TCF12: variants seen among roughly 807,000 people sequenced by gnomAD.
TCF12 encodes transcription factor 12, also known as DNA-binding protein HTF4.
Under a neutral mutation model 86.0 loss-of-function variants are expected in TCF12, and 45 were observed. The observed-to-expected ratio is 0.52, with a 90% CI of 0.41 to 0.67. TCF12 has a LOEUF of 0.67. Ranked by LOEUF, TCF12 falls within the 30% of genes least tolerant of loss-of-function variation. The pLI is 0.00. For synonymous variants in TCF12, 330 were observed against 299.6 expected (o/e 1.10, Z -1.05); for missense variants, 881 against 859.9 (o/e 1.02, Z -0.31).
intron 7 of TCF12, among the ~76,000 whole-genome samples, chr15:57,194,224 G>C (rs758423974): frequency 6.6e-6 from 1 of 151,444 alleles, no homozygotes; most frequent in Non-Finnish European, 1.5e-5. Context: ...TTTTAATTTT[G>C]ATTATGATGA....
chr15:57,163,961 A>C (rs1297403564), intron 5 of TCF12, among the ~76,000 whole-genome samples: 1 of 152,128 alleles, frequency 6.6e-6, no homozygotes, highest in Non-Finnish European at 1.5e-5. Context: ...ATAGATAGGG[A>C]ATTTCAGAGA....
intron 3 of TCF12, among the ~76,000 whole-genome samples, chr15:56,923,806 C>A (rs1024750910): frequency 4.0e-5 from 6 of 151,728 alleles, no homozygotes; most frequent in Non-Finnish European, 7.4e-5. Flanking sequence ...TTTTGTAAGC[C>A]ATCTGTAGAT....
At chr15:57,062,128 T>C (rs1038981782) in intron 3 of TCF12, among the ~76,000 whole-genome samples, 1 of 152,088 alleles carries the variant, frequency 6.6e-6, no homozygotes, top group African/African-American at 2.4e-5. Flanking sequence ...GGCTAATTTT[T>C]TGTATTTTTA....
At chr15:57,285,214 A>T (rs2061882240) in intron 20 of TCF12, among the ~76,000 whole-genome samples, 2 of 152,234 alleles carry the variant, frequency 1.3e-5, no homozygotes, top group Admixed American at 6.5e-5. Context: ...AAAATTTGCC[A>T]TCCTGTAATG....
intron 3 of TCF12, among the ~76,000 whole-genome samples, chr15:57,004,225 A>G (rs2064213262): frequency 6.8e-6 from 1 of 146,410 alleles, no homozygotes; most frequent in Non-Finnish European, 1.5e-5. Context: ...ACATTTGTTC[A>G]TTTCTTTCTT....
chr15:57,185,171 A>T (rs962939246), intron 6 of TCF12, among the ~76,000 whole-genome samples: 6 of 152,218 alleles, frequency 3.9e-5, no homozygotes, highest in Non-Finnish European at 8.8e-5. Context: ...TATCAGCTTT[A>T]TCTAAAGAAA....
chr15:56,954,644 A>G (rs1471569199), intron 3 of TCF12, among the ~76,000 whole-genome samples: 1 of 152,200 alleles, frequency 6.6e-6, no homozygotes, highest in Admixed American at 6.5e-5. Context: ...AGCCTACAAA[A>G]TGGGAGAAGA....
intron 4 of TCF12, among the ~76,000 whole-genome samples, chr15:57,064,812 A>AAAAAAAAAAAAAAAAAAAAAAG (rs554263213): frequency 2.4e-5 from 3 of 123,454 alleles, no homozygotes; most frequent in African/African-American, 8.7e-5. Flanking sequence ...AAAAAAAAAA[A>AAAAAAAAAAAAAAAAAAAAAAG]AGAGAGAGAG....
At chr15:57,166,156 G>C (rs2054877129) in intron 5 of TCF12, among the ~76,000 whole-genome samples, 1 of 151,466 alleles carries the variant, frequency 6.6e-6, no homozygotes, top group Non-Finnish European at 1.5e-5. Flanking sequence ...GACTAAAGCA[G>C]TCCTCCCACC....
At chr15:57,211,966 GCACACACACACACCACACACACACACACA>G (rs781516663) in intron 8 of TCF12, among the ~76,000 whole-genome samples, 4 of 140,994 alleles carry the variant, frequency 2.8e-5, no homozygotes, top group Admixed American at 7.1e-5. Flanking sequence ...ACACACACAC[GCACACACACACACCACACACACACACACA>G]CACACACACA....
intron 6 of TCF12, among the ~76,000 whole-genome samples, chr15:57,172,586 A>G (rs2055591226): frequency 6.6e-6 from 1 of 152,194 alleles, no homozygotes; most frequent in African/African-American, 2.4e-5. Flanking sequence ...ATGAGAACTC[A>G]GGGACACAAA....
Position 56,920,839 on chromosome 15 carries a change from T to C in TCF12, c.76-187T>C, listed in dbSNP as rs1194403236. 2.0e-5 allele frequency among the ~76,000 whole-genome samples: 3 copies of C among 152,238 alleles called. No homozygotes were observed. The East Asian group carries it at 5.8e-4, about 29-fold the overall frequency. On this transcript the variant is annotated intron_variant, in intron 2 of 20. Coordinates refer to ENST00000333725, the MANE Select transcript of TCF12 (RefSeq NM_207037.2). ...GGTCTTCAGAACAAAATGTAACCAT[T>C]ATTTCCAATTAATTAGGAAATAGTA...
chr15:56,918,239 T>C (rs1014525619), upstream of TCF12: 4 of 456,180 alleles, frequency 8.8e-6, no homozygotes, highest in Admixed American at 9.4e-5. Flanking sequence ...TCCTGCGGCC[T>C]CGGGTTCCGG....
At chr15:57,067,986 G>T (rs2069048077) in intron 4 of TCF12, among the ~76,000 whole-genome samples, 1 of 152,126 alleles carries the variant, frequency 6.6e-6, no homozygotes, top group South Asian at 2.1e-4. Flanking sequence ...AAAGGCCAGA[G>T]AATATTGTGG....
chr15:57,082,431 G>T (rs1443703167), intron 4 of TCF12, among the ~76,000 whole-genome samples: 4 of 152,084 alleles, frequency 2.6e-5, no homozygotes, highest in African/African-American at 9.7e-5. Context: ...AACTTAAGAT[G>T]AACCGAAGAG....
At chr15:57,062,355 C>T (rs574210569) in intron 3 of TCF12, among the ~76,000 whole-genome samples, 1 of 152,078 alleles carries the variant, frequency 6.6e-6, no homozygotes, top group Admixed American at 6.5e-5. Flanking sequence ...AAACACTGTT[C>T]ACGTAATCTC....
intron 3 of TCF12, among the ~76,000 whole-genome samples, chr15:56,951,516 G>A (rs1668356078): frequency 6.6e-6 from 1 of 152,124 alleles, no homozygotes; most frequent in South Asian, 2.1e-4. Flanking sequence ...TCTAAACAGT[G>A]TCTTTTGAGG....
At chr15:57,240,879 C>A (rs1383785194) in intron 12 of TCF12, among the ~76,000 whole-genome samples, 152 of 65,644 alleles carry the variant, frequency 2.3e-3, no homozygotes, top group South Asian at 5.7e-3. Flanking sequence ...GACCCTGTCT[C>A]AAAAAAAAAA....
intron 3 of TCF12, among the ~76,000 whole-genome samples, chr15:56,940,768 T>C (rs1377195702): frequency 7.6e-6 from 1 of 130,846 alleles, no homozygotes; most frequent in Non-Finnish European, 1.6e-5. Flanking sequence ...TCCTTCTCCT[T>C]CTTCTGAGAT....
Sources: allele counts gnomAD v4.1 joint callset (sites outside exome capture counted in the v4.1 genomes callset), GRCh38; gene constraint gnomAD v4.1.1; transcripts MANE v1.5; gene names NCBI Gene and HGNC (gene_info 2026-07-23, HGNC 2026-07-21).